The following ECEL1 variants were observed in gnomAD, a reference collection of about 807,000 sequenced individuals.
The protein encoded by ECEL1 is endothelin-converting enzyme-like 1.
ECEL1 carries 87 observed loss-of-function variants against 101.8 expected under a neutral mutation model. That is an observed-to-expected ratio of 0.85 (90% CI 0.72 to 1.02). The LOEUF is 1.02. Among genes scored for constraint, ECEL1 ranks in the 50% least tolerant of loss-of-function variants. ECEL1 has a pLI of 0.00. For synonymous variants in ECEL1, 487 were observed against 468.7 expected, an observed-to-expected ratio of 1.04 and a Z score of -0.50; for missense variants, 1,032 against 1,079.2, an observed-to-expected ratio of 0.96 and a Z score of 0.61.
rs587777129 is a variant in ECEL1, at chr2:232,480,203, A to G, written c.2278T>C (p.Cys760Arg). Residue 760 changes from cysteine (C) to arginine (R), a missense_variant, in exon 18 of 18, where the codon TGT becomes CGT. By Grantham distance (180) the Cys-to-Arg change is radical (BLOSUM62 -3). Coordinates refer to ENST00000304546, the MANE Select transcript of ECEL1 (RefSeq NM_004826.4). ...GGGTTCATGGGTGAGTCCTTGGGAC[A>G]GTGGAAAGCCCGGCCAAACTCCTCA... Reference protein sequence around the residue: ...QFEEFGRAFHCPKDSPMNPAH... With the variant: ...QFEEFGRAFHRPKDSPMNPAH... 6.2e-7 allele frequency: 1 copy of G among 1,613,820 alleles called. No individual in the cohort carries two copies. The highest frequency in any genetic ancestry group is 8.5e-7 in the Non-Finnish European group (1 of 1,179,972).
Position 232,482,582 on chromosome 2 carries a change from T to A in ECEL1, c.1712A>T (p.Asn571Ile). ...GTTCTTGTTGGGTAGATAGTAGGCATTGAGCGCCTGTGGGGGGAGCAGCCA... is the reference window on the plus strand; with the variant it reads ...GTTCTTGTTGGGTAGATAGTAGGCAATGAGCGCCTGTGGGGGGAGCAGCCA... ...STWLLPPQAL[N>I]AYYLPNKNQM... The change falls in exon 11 of 18, where the codon AAT (asparagine) becomes ATT (isoleucine). Residue 571 changes from asparagine (N) to isoleucine (I), a missense_variant. Coordinates refer to ENST00000304546, the MANE Select transcript of ECEL1 (RefSeq NM_004826.4). 1 of 1,613,410 alleles carries A rather than the reference T, an allele frequency of 6.2e-7. No homozygotes were observed.
rs1369448961 is a variant in ECEL1 at position 232,485,216 on chromosome 2, C to T, written c.838G>A (p.Asp280Asn). The T allele has an allele frequency of 1.9e-6, 3 of 1,613,600 alleles. No individual in the cohort carries two copies. Among genetic ancestry groups the T allele is most frequent in the African/African-American group, 2.7e-5 (2 of 74,934 alleles). Residue 280 changes from aspartate to asparagine, a missense_variant, in exon 3 of 18, where the codon GAT becomes AAT. Transcript: ENST00000304546. ...CCCAGCACCTTCTCACTGTCCTCATCCTGAGCGAGGTACAGGGTCCTCTCT... is the reference window on the plus strand; with the variant it reads ...CCCAGCACCTTCTCACTGTCCTCATTCTGAGCGAGGTACAGGGTCCTCTCT... ...LPERTLYLAQ[D>N]EDSEKILAAY...
At position 232,480,454 on chromosome 2, in the gene ECEL1, ACCG is replaced by A; in HGVS notation, c.2170_2172del (p.Arg724del). 1 of 1,613,772 alleles carries A rather than the reference ACCG, an allele frequency of 6.2e-7. No homozygotes were observed. The highest frequency in any genetic ancestry group is 8.5e-7 in the Non-Finnish European group (1 of 1,179,960). ...AGCACCTGCAGGTAGATGGACTGCG[ACCG>A]CCGCTTGATGCACCAGTTCTGGGTC... On this transcript the variant is annotated inframe_deletion, in exon 17 of 18. Transcript: ENST00000304546.
chr2:232,480,543 C>A (rs1037070041), intron 16 of ECEL1, 68 bp from the exon 17 acceptor site: 4 of 1,590,266 alleles, frequency 2.5e-6, no homozygotes, highest in African/African-American at 1.3e-5. Context: ...CCTTGCCCCC[C>A]ACCCAGCACA....
intron 2 of ECEL1, 122 bp downstream of exon 2, chr2:232,485,746 C>T: frequency 7.7e-7 from 1 of 1,304,736 alleles, no homozygotes; most frequent in Non-Finnish European, 1.0e-6. Context: ...CCTCCCCTCT[C>T]CTGCTCGTCT....
rs763138696 is a variant in ECEL1 at position 232,482,990 on chromosome 2, A to C, written c.1582-36T>G. Reference sequence around the variant, plus strand: ...CACGGGCGACACTCAGCGGCAGGCCAGGGCAGGGCTACCTGCAGACTGGGC... The same window carrying C: ...CACGGGCGACACTCAGCGGCAGGCCCGGGCAGGGCTACCTGCAGACTGGGC... On this transcript the variant is annotated intron_variant, in intron 9 of 17. Coordinates refer to ENST00000304546, the MANE Select transcript of ECEL1 (RefSeq NM_004826.4). The C allele has an allele frequency of 3.1e-6, 5 of 1,613,302 alleles. No individual in the cohort carries two copies. In the East Asian group the frequency reaches 8.9e-5, roughly 29 times the overall value.
chr2:232,483,344 T>C, intron 8 of ECEL1, 72 bp downstream of exon 8: 2 of 1,561,394 alleles, frequency 1.3e-6, no homozygotes, highest in African/African-American at 1.4e-5. Context: ...GTCCCTTTTG[T>C]TCTCTTTCGC....
chr2:232,482,514 C>T, intron 11 of ECEL1, 36 bp downstream of exon 11: 2 of 1,614,054 alleles, frequency 1.2e-6, no homozygotes, highest in Non-Finnish European at 1.7e-6. Flanking sequence ...CACTTTCGGA[C>T]CCTGCCCCGC....
At chr2:232,483,384 G>C (rs1043534584) in intron 8 of ECEL1, 32 bp downstream of exon 8, 2 of 1,586,462 alleles carry the variant, frequency 1.3e-6, no homozygotes, top group Non-Finnish European at 1.7e-6. Context: ...AATATATATG[G>C]GACCAACCAA....
At chr2:232,483,219 G>A (rs1441083889) in intron 8 of ECEL1, 40 bp from the exon 9 acceptor site, 4 of 1,577,752 alleles carry the variant, frequency 2.5e-6, no homozygotes, top group Non-Finnish European at 3.4e-6. Flanking sequence ...CCAGGCCTCG[G>A]GAGACAGCCC....
chr2:232,480,778 C>T lies in ECEL1; in HGVS notation c.2091G>A (p.Glu697=), dbSNP rs1201875704. Residue 697 remains glutamate (E), a synonymous_variant, in exon 16 of 18, where the codon GAG becomes GAA. Transcript: ENST00000304546. ...YQKWVREHGP[E]HPLPRLKYTH... ...TGTACTTGAGCCGGGGAAGTGGGTG[C>T]TCTGGGCCGTGCTCCCGCACCCACT... 3 of 1,613,984 alleles carry T rather than the reference C, an allele frequency of 1.9e-6. No homozygotes were observed. The African/African-American group carries it at 4.0e-5, about 22-fold the overall frequency.
At chr2:232,485,755 C>G (rs1559276730) in intron 2 of ECEL1, 113 bp downstream of exon 2, 2 of 1,364,006 alleles carry the variant, frequency 1.5e-6, no homozygotes, top group Non-Finnish European at 2.0e-6. Flanking sequence ...TCCTGCTCGT[C>G]TCTTCCCTCC....
Position 232,480,167 on chromosome 2 carries a change from A to G in ECEL1, c.2314T>C (p.Cys772Arg), listed in dbSNP as rs2106181382. 1 of 1,613,568 alleles carries G rather than the reference A, an allele frequency of 6.2e-7. No homozygotes were observed. Among genetic ancestry groups the G allele is most frequent in the Non-Finnish European group, 8.5e-7 (1 of 1,179,836 alleles). ...GGCAGCCAGGCTCACCACACGGAAC[A>G]CTTGTGGGCAGGGTTCATGGGTGAG... ...KDSPMNPAHK[C>R]SVW The change falls in exon 18 of 18, where the codon TGT becomes CGT. Residue 772 changes from cysteine to arginine, a missense_variant. Coordinates refer to ENST00000304546, the MANE Select transcript of ECEL1 (RefSeq NM_004826.4).
Position 232,481,640 on chromosome 2 carries a change from G to C in ECEL1, c.1865-10C>G. Reference sequence around the variant, plus strand: ...CGGTCATACTGGCCCCCTGTGGGCAGTGCAGCAGGCTGAGACCCACCCTCA... The same window carrying C: ...CGGTCATACTGGCCCCCTGTGGGCACTGCAGCAGGCTGAGACCCACCCTCA... On this transcript the variant is annotated splice_polypyrimidine_tract_variant and intron_variant, in intron 13 of 17. Transcript: ENST00000304546. 6.2e-7 allele frequency: 1 copy of C among 1,613,174 alleles called. No homozygotes were observed. The highest frequency in any genetic ancestry group is 8.5e-7 in the Non-Finnish European group (1 of 1,179,704).
At chr2:232,485,806 G>A (rs971527451) in intron 2 of ECEL1, 62 bp downstream of exon 2, 14 of 1,527,474 alleles carry the variant, frequency 9.2e-6, no homozygotes, top group African/African-American at 2.7e-5. Context: ...AGGGACCCCT[G>A]GGCAAGGCCA....
chr2:232,480,754 G>T lies in ECEL1; in HGVS notation c.2115C>A (p.Tyr705Ter). 1 of 1,614,162 alleles carries T rather than the reference G, an allele frequency of 6.2e-7. No individual in the cohort carries two copies. Among genetic ancestry groups the T allele is most frequent in the Non-Finnish European group, 8.5e-7 (1 of 1,180,012 alleles). ...CAATGAAGAAGAGCTGGTCATGTGT[G>T]TACTTGAGCCGGGGAAGTGGGTGCT... ...GPEHPLPRLK[Y>*]THDQLFFIAF... The change falls in exon 16 of 18, where the codon TAC (tyrosine) becomes TAA (stop). Residue 705 changes from tyrosine to a stop codon, truncating the protein, a stop_gained. Transcript: ENST00000304546. LOFTEE classifies it high-confidence loss of function.
rs1436003082 is a variant in ECEL1, at chr2:232,480,797, A to C, written c.2072T>G (p.Val691Gly). 1.2e-6 allele frequency: 2 copies of C among 1,613,638 alleles called. No individual in the cohort carries two copies. Among genetic ancestry groups the C allele is most frequent in the Admixed American group, 3.3e-5 (2 of 59,980 alleles). Residue 691 changes from valine (V) to glycine (G), a missense_variant, in exon 16 of 18, where the codon GTG becomes GGG. Val to Gly is a moderately radical substitution (Grantham distance 109). Coordinates refer to ENST00000304546, the MANE Select transcript of ECEL1 (RefSeq NM_004826.4). ...KLAYHAYQKW[V>G]REHGPEHPLP... ...TGGGTGCTCTGGGCCGTGCTCCCGC[A>C]CCCACTTCTGATAGGCCTGGGGACA... is the stretch of plus-strand genomic sequence containing the variant.
chr2:232,483,496 C>T lies in ECEL1; in HGVS notation c.1426G>A (p.Asp476Asn), dbSNP rs1690639889. The T allele has an allele frequency of 6.2e-7, 1 of 1,610,314 alleles. No homozygotes were observed. The highest frequency in any genetic ancestry group is 8.5e-7 in the Non-Finnish European group (1 of 1,179,050). The change falls in exon 8 of 18, where the codon GAC (aspartate) becomes AAC (asparagine). Residue 476 changes from aspartate (D) to asparagine (N), a missense_variant. Coordinates refer to ENST00000304546, the MANE Select transcript of ECEL1 (RefSeq NM_004826.4). ...SKAKVQQLVE[D>N]IKYILGQRLE... is the part of the protein sequence containing the mutation. Reference sequence around the variant, plus strand: ...CGCTGGCCCAGGATGTACTTGATGTCTTCCACTAGCTGCTGCACCTGCAGG... The same window carrying T: ...CGCTGGCCCAGGATGTACTTGATGTTTTCCACTAGCTGCTGCACCTGCAGG...
At chr2:232,484,773 C>G in intron 5 of ECEL1, 28 bp downstream of exon 5, 1 of 1,613,284 alleles carries the variant, frequency 6.2e-7, no homozygotes, top group Non-Finnish European at 8.5e-7. Flanking sequence ...TCAACCCTGC[C>G]TGCCCACGAG....
Sources: gnomAD v4.1 joint callset for allele counts on GRCh38, gnomAD v4.1.1 for gene constraint, MANE v1.5 for transcripts, NCBI Gene and HGNC (gene_info 2026-07-23, HGNC 2026-07-21) for gene names.